Variants in IGSF10 observed in about 807,000 individuals in gnomAD.
IGSF10 encodes the protein calvaria mechanical force protein 608.
IGSF10 carries 126 observed loss-of-function variants against 128.2 expected under a neutral mutation model. The ratio of observed to expected loss-of-function variants is 0.98; its 90% CI spans 0.85 to 1.14. The LOEUF (loss-of-function observed/expected upper bound fraction) is 1.14, where lower values mean the gene tolerates loss of function less well. IGSF10 is among the 50% of genes most tolerant of loss of function. IGSF10 has a pLI of 0.00. For synonymous variants in IGSF10, 1,185 were observed against 1,146.2 expected (o/e 1.03, Z -0.68); for missense variants, 3,295 against 3,149.8 (o/e 1.05, Z -1.10).
At chr3:151,452,778 G>T (rs1050390881) in intron 5 of IGSF10, among the ~76,000 whole-genome samples, 3 of 152,056 alleles carry the variant, frequency 2.0e-5, no homozygotes, top group African/African-American at 7.2e-5. Flanking sequence ...TGGAAGTATA[G>T]GCAAACAACC....
chr3:151,596,470 T>C, the IGSF10 span, among the ~76,000 whole-genome samples: 2 of 110,284 alleles, frequency 1.8e-5, no homozygotes, highest in Non-Finnish European at 3.8e-5. Context: ...AAAGATATTA[T>C]GGTGTTTATG....
In IGSF10 at chr3:151,448,144, T is replaced by G; in HGVS notation, c.1837A>C (p.Asn613His). The G allele has an allele frequency of 6.2e-7, 1 of 1,614,182 alleles. No individual in the cohort carries two copies. Among genetic ancestry groups the G allele is most frequent in the Non-Finnish European group, 8.5e-7 (1 of 1,180,022 alleles). The change falls in exon 6 of 8, where the codon AAT becomes CAT. Residue 613 changes from asparagine to histidine, a missense_variant. Transcript: ENST00000282466. ...ASISWVIPGN[N>H]VLYQSSRDKK... ...TCTCTTGATGACTGATAGAGCACAT[T>G]GTTTCCTGGAATAACCCAGCTAATA...
At chr3:151,536,102 C>T in the IGSF10 span, among the ~76,000 whole-genome samples, 1 of 152,050 alleles carries the variant, frequency 6.6e-6, no homozygotes, top group African/African-American at 2.4e-5. Flanking sequence ...GGCTACTAGT[C>T]CTAGGGGGAT....
chr3:151,587,109 AC>A, the IGSF10 span, among the ~76,000 whole-genome samples: 846 of 152,276 alleles, frequency 5.6e-3, 11 homozygotes, highest in African/African-American at 0.019. Context: ...ACAAAAAAAA[AC>A]CTCACAACTT....
chr3:151,521,675 T>A, the IGSF10 span, among the ~76,000 whole-genome samples: 1 of 151,854 alleles, frequency 6.6e-6, no homozygotes. Flanking sequence ...AGAACAAAGA[T>A]ACAACATAGC....
chr3:151,493,974 A>G, the IGSF10 span, among the ~76,000 whole-genome samples: 1 of 152,088 alleles, frequency 6.6e-6, no homozygotes, highest in Non-Finnish European at 1.5e-5. Flanking sequence ...TAGATGACTA[A>G]AACAGTAGAA....
upstream of IGSF10, among the ~76,000 whole-genome samples, chr3:151,463,205 A>G (rs1404220786): frequency 6.6e-6 from 1 of 152,110 alleles, no homozygotes; most frequent in East Asian, 1.9e-4. Flanking sequence ...TCTCTGACGT[A>G]TTTTCTACTT....
At chr3:151,518,471 A>G in the IGSF10 span, among the ~76,000 whole-genome samples, 1 of 152,036 alleles carries the variant, frequency 6.6e-6, no homozygotes, top group African/African-American at 2.4e-5. Context: ...AGTAAAAACA[A>G]TTAGGTTAGG....
At chr3:151,554,522 C>A in the IGSF10 span, among the ~76,000 whole-genome samples, 1 of 147,878 alleles carries the variant, frequency 6.8e-6, no homozygotes, top group African/African-American at 2.7e-5. Context: ...TAGTTCATTA[C>A]CTATTTTATC....
At chr3:151,480,565 G>A in the IGSF10 span, among the ~76,000 whole-genome samples, 1 of 152,046 alleles carries the variant, frequency 6.6e-6, no homozygotes, top group Admixed American at 6.5e-5. Flanking sequence ...ATAAGCAGAG[G>A]CACAGTTAGA....
chr3:151,500,271 G>A, the IGSF10 span, among the ~76,000 whole-genome samples: 1 of 152,040 alleles, frequency 6.6e-6, no homozygotes, highest in Non-Finnish European at 1.5e-5. Context: ...TTTAGGAAAA[G>A]AGAATGAATC....
the IGSF10 span, among the ~76,000 whole-genome samples, chr3:151,618,543 A>T: frequency 1.3e-5 from 2 of 151,970 alleles, no homozygotes; most frequent in African/African-American, 4.8e-5. Flanking sequence ...ATCCTGGCTA[A>T]CACAGTGAAA....
upstream of IGSF10, chr3:151,461,092 G>A (rs1283797265): frequency 8.1e-6 from 8 of 985,314 alleles, no homozygotes; most frequent in African/African-American, 1.7e-5. Context: ...GGATGAGCCC[G>A]ACTTCTGTGT....
intron 2 of IGSF10, among the ~76,000 whole-genome samples, 159 bp downstream of exon 2, chr3:151,460,102 A>G (rs544522296): frequency 3.3e-5 from 5 of 152,346 alleles, no homozygotes; most frequent in African/African-American, 1.2e-4. Flanking sequence ...GAACAGCAGG[A>G]TGAAGGTAAT....
At chr3:151,541,983 G>A in the IGSF10 span, among the ~76,000 whole-genome samples, 3 of 152,226 alleles carry the variant, frequency 2.0e-5, no homozygotes, top group Admixed American at 2.0e-4. Flanking sequence ...CTTTTCCTGA[G>A]TTGTTCCTTA....
the IGSF10 span, among the ~76,000 whole-genome samples, chr3:151,536,077 G>A: frequency 5.3e-5 from 8 of 152,164 alleles, no homozygotes; most frequent in African/African-American, 9.7e-5. Flanking sequence ...CTGCCACTGT[G>A]TCCTGTCCCA....
At chr3:151,598,681 G>A in the IGSF10 span, among the ~76,000 whole-genome samples, 4 of 152,164 alleles carry the variant, frequency 2.6e-5, no homozygotes, top group Non-Finnish European at 4.4e-5. Context: ...AAAAATATGT[G>A]TACATTCAGT....
chr3:151,491,569 A>C, the IGSF10 span, among the ~76,000 whole-genome samples: 129,917 of 151,708 alleles, frequency 0.86, 55,840 homozygotes, highest in Middle Eastern at 0.95. Flanking sequence ...CGGAGTGAGA[A>C]ATAGTTACAA....
rs1344120152 is a variant in IGSF10, at chr3:151,438,036, C to T, written c.6525G>A (p.Trp2175Ter). Residue 2175 changes from tryptophan (W) to a stop codon, truncating the protein, a stop_gained, in exon 8 of 8, where the codon TGG becomes TGA. Transcript: ENST00000282466. LOFTEE classifies it low-confidence loss of function (END_TRUNC). ...AAATCATGTCATTGGAAGGCAGCAA[C>T]CAAAATATTTTTGGTTTGGGATCCC... Reference protein sequence around the residue: ...VTGDPKPKIFWLLPSNDMISF... With the variant: ...VTGDPKPKIF 1.9e-6 allele frequency: 3 copies of T among 1,614,196 alleles called. No homozygotes were observed. Among genetic ancestry groups the T allele is most frequent in the Non-Finnish European group, 2.5e-6 (3 of 1,180,038 alleles).
Sources: gnomAD v4.1 joint callset for allele counts (sites outside exome capture counted in the v4.1 genomes callset) on GRCh38, gnomAD v4.1.1 for gene constraint, MANE v1.5 for transcripts, NCBI Gene and HGNC (gene_info 2026-07-23, HGNC 2026-07-21) for gene names.